PALB2: variants seen among roughly 807,000 people sequenced by gnomAD.
The protein encoded by PALB2 is partner and localizer of BRCA2.
A neutral mutation model predicts 107.4 loss-of-function variants in PALB2; 82 were observed. The observed-to-expected ratio is 0.76, with a 90% CI of 0.64 to 0.92. PALB2 has a LOEUF of 0.92. Ranked by LOEUF, PALB2 falls within the 40% of genes least tolerant of loss-of-function variation. The pLI is 0.00. For missense variants in PALB2, 1,374 were observed against 1,379.9 expected, an observed-to-expected ratio of 1.00 and a Z score of 0.07; for synonymous variants, 489 against 496.8, an observed-to-expected ratio of 0.98 and a Z score of 0.21.
intron 4 of PALB2, among the ~76,000 whole-genome samples, chr16:23,631,560 C>CAA (rs1966878199): frequency 6.6e-6 from 1 of 152,084 alleles, no homozygotes; most frequent in Non-Finnish European, 1.5e-5. Flanking sequence ...TAAAACCAAA[C>CAA]AAAACAAAAC....
In PALB2 at chr16:23,639,517, GA is replaced by G. The variant is rs1186283940; in HGVS notation, c.49-1389del. On this transcript the variant is annotated intron_variant, in intron 1 of 12. Transcript: ENST00000261584. ...TGGGCAACAGAGCGAGACTCTGCTT[GA>G]AAAAAAAAAAAAAAAAAAAGGCCGG... 9.6e-3 allele frequency among the ~76,000 whole-genome samples: 421 copies of G among 43,744 alleles called. 2 individuals carry two copies. The highest frequency in any genetic ancestry group is 0.012 in the Non-Finnish European group (269 of 22,586). 28.7% of individuals were successfully genotyped at this position (43,744 alleles called of 152,430 possible). A position where few individuals can be genotyped will look rare whatever the true frequency, so the allele number is the denominator to read the frequency against.
intron 9 of PALB2, 121 bp from the exon 10 acceptor site, chr16:23,621,599 A>C (rs1966775282): frequency 1.4e-6 from 1 of 692,590 alleles, no homozygotes; most frequent in Non-Finnish European, 2.6e-6. Context: ...AAAAAATCTA[A>C]CCCAGAAAAC....
chr16:23,605,878 C>G (rs1443066109), intron 12 of PALB2: 1 of 152,224 alleles, frequency 6.6e-6, no homozygotes, highest in Non-Finnish European at 1.5e-5. Context: ...GAGGACACAT[C>G]TATGAGCCAG....
At chr16:23,609,548 T>A (rs928996368) in intron 11 of PALB2, among the ~76,000 whole-genome samples, 1 of 152,154 alleles carries the variant, frequency 6.6e-6, no homozygotes, top group African/African-American at 2.4e-5. Context: ...GACAGAGTCT[T>A]GCACTGTCGC....
chr16:23,620,152 C>T (rs947762572), intron 10 of PALB2, among the ~76,000 whole-genome samples: 12 of 152,106 alleles, frequency 7.9e-5, no homozygotes, highest in South Asian at 2.1e-4. Context: ...CTCCAAATGC[C>T]GAAACTGAAA....
chr16:23,619,636 T>A (rs1253817844), intron 10 of PALB2, among the ~76,000 whole-genome samples: 2 of 152,164 alleles, frequency 1.3e-5, no homozygotes, highest in Admixed American at 1.3e-4. Context: ...AACTTTGTAT[T>A]CTGTTAGGTT....
Position 23,603,651 on chromosome 16 carries a change from C to T in PALB2, c.3369G>A (p.Val1123=), listed in dbSNP as rs753357848. The T allele has an allele frequency of 3.1e-6, 5 of 1,613,668 alleles. No individual in the cohort carries two copies. The South Asian group carries it at 4.4e-5, about 14-fold the overall frequency. The stretch of plus-strand genomic sequence containing the variant: ...AGATTGCTGCTGCACAGTGATCTTT[C>T]ACGTCACCTTCCAGGAACCTGATAG... ...GQAGRFLEGD[V]KDHCAAAILT... Residue 1123 remains valine, a synonymous_variant, in exon 13 of 13, where the codon GTG becomes GTA. Coordinates refer to ENST00000261584, the MANE Select transcript of PALB2 (RefSeq NM_024675.4).
chr16:23,621,986 C>T (rs1966781384), intron 9 of PALB2, among the ~76,000 whole-genome samples: 1 of 152,170 alleles, frequency 6.6e-6, no homozygotes, highest in Admixed American at 6.6e-5. Context: ...TGCTTCTTCC[C>T]ATCTCCACTA....
intron 4 of PALB2, among the ~76,000 whole-genome samples, chr16:23,633,674 T>C (rs1260375962): frequency 6.6e-6 from 1 of 152,198 alleles, no homozygotes; most frequent in Non-Finnish European, 1.5e-5. Context: ...CATTACATGA[T>C]GACTTCTAAA....
chr16:23,639,238 A>G (rs1398744866), intron 1 of PALB2, among the ~76,000 whole-genome samples: 1 of 152,152 alleles, frequency 6.6e-6, no homozygotes, highest in African/African-American at 2.4e-5. Context: ...TAAAAAAAAG[A>G]AAAGACCTAC....
rs2142447179 is a variant in PALB2 at position 23,636,271 on chromosome 16, G to A, written c.275C>T (p.Thr92Ile). 2 of 1,613,646 alleles carry A rather than the reference G, an allele frequency of 1.2e-6. No individual in the cohort carries two copies. The highest frequency in any genetic ancestry group is 2.2e-5 in the South Asian group (2 of 91,058). ...LHIKTHLDEE[T>I]GEKTSITLDV... ...AAGTGTGATAGATGTCTTTTCTCCA[G>A]TTTCTTCATCAAGATGGGTTTTGAT... is the stretch of plus-strand genomic sequence containing the variant. Residue 92 changes from threonine (T) to isoleucine (I), a missense_variant, in exon 4 of 13, where the codon ACT (threonine) becomes ATT (isoleucine). Physicochemically the swap from Thr to Ile is moderately conservative, Grantham distance 89. Coordinates refer to ENST00000261584, the MANE Select transcript of PALB2 (RefSeq NM_024675.4).
chr16:23,619,924 T>G lies in PALB2; in HGVS notation c.3113+1438A>C, dbSNP rs145241884. ...CCTCCTGAGTAGCTGGAATTACAGGTGTGCACCACCACGCCTGGCTAATTT... is the reference window on the plus strand; with the variant it reads ...CCTCCTGAGTAGCTGGAATTACAGGGGTGCACCACCACGCCTGGCTAATTT... On this transcript the variant is annotated intron_variant, in intron 10 of 12. Transcript: ENST00000261584. Among the ~76,000 whole-genome samples, 202 of 151,892 alleles carry G rather than the reference T, an allele frequency of 1.3e-3. 1 individual carries two copies. The highest frequency in any genetic ancestry group is 3.3e-3 in the African/African-American group (138 of 41,448).
chr16:23,603,311 C>CGTA lies in PALB2; in HGVS notation c.*147_*148insTAC. The CGTA allele has an allele frequency of 1.5e-6, 1 of 670,030 alleles. No individual in the cohort carries two copies. The highest frequency in any genetic ancestry group is 1.8e-5 in the South Asian group (1 of 56,510). The allele number at this position is 670,030 out of a possible 1,614,324, so 41.5% of individuals were successfully genotyped here. On this transcript the variant is annotated 3_prime_UTR_variant, in exon 13 of 13. Transcript: ENST00000261584. ...GTACATCCAAGATCAGTGGTGCTACCATCATTAGAATAAAAAATAAGTCTG... is the reference window on the plus strand; with the variant it reads ...GTACATCCAAGATCAGTGGTGCTACCGTAATCATTAGAATAAAAAATAAGTCTG...
rs1060502755 is a variant in PALB2 at position 23,630,412 on chromosome 16, A to G, written c.1742T>C (p.Leu581Ser). Reference protein sequence around the residue: ...DSLSWSNSAYLSLDDDAFTAP... With the variant: ...DSLSWSNSAYSSLDDDAFTAP... ...CGTGAAAGCATCATCATCCAAGGAT[A>G]AATAAGCACTATTACTCCAAGAAAG... The change falls in exon 5 of 13, where the codon TTA becomes TCA. Residue 581 changes from leucine to serine, a missense_variant. Physicochemically the swap from Leu to Ser is moderately radical, Grantham distance 145. Coordinates refer to ENST00000261584, the MANE Select transcript of PALB2 (RefSeq NM_024675.4). The G allele has an allele frequency of 1.3e-5, 21 of 1,613,990 alleles. No individual in the cohort carries two copies. The highest frequency in any genetic ancestry group is 1.8e-5 in the Non-Finnish European group (21 of 1,180,010).
intron 11 of PALB2, among the ~76,000 whole-genome samples, chr16:23,609,619 G>A (rs1052587524): frequency 3.9e-5 from 6 of 151,960 alleles, no homozygotes; most frequent in East Asian, 1.9e-4. Context: ...CTGGGTTCAC[G>A]CCATTCTCCT....
At position 23,607,979 on chromosome 16, in the gene PALB2, C is replaced by A. The variant is rs730881878; in HGVS notation, c.3235G>T (p.Ala1079Ser). The A allele has an allele frequency of 1.3e-5, 21 of 1,613,936 alleles. No individual in the cohort carries two copies. Among genetic ancestry groups the A allele is most frequent in the Non-Finnish European group, 1.7e-5 (20 of 1,180,002 alleles). Residue 1079 changes from alanine to serine, a missense_variant, in exon 12 of 13, where the codon GCC becomes TCC. By Grantham distance (99) the Ala-to-Ser change is moderately conservative. Coordinates refer to ENST00000261584, the MANE Select transcript of PALB2 (RefSeq NM_024675.4). ...LLFIVLSHPC[A>S]KESESLRSPV... The stretch of plus-strand genomic sequence containing the variant: ...CTTCGCAACGACTCACTCTCTTTGG[C>A]ACAGGGATGACTCAGGACAATAAAG...
chr16:23,623,897 T>C, intron 8 of PALB2, 112 bp downstream of exon 8: 2 of 746,612 alleles, frequency 2.7e-6, no homozygotes, highest in South Asian at 1.5e-5. Flanking sequence ...TCTCTCTCTT[T>C]AGATCTTTCA....
intron 3 of PALB2, among the ~76,000 whole-genome samples, chr16:23,636,978 G>A (rs1032789842): frequency 1.3e-5 from 2 of 151,942 alleles, no homozygotes; most frequent in South Asian, 2.1e-4. Context: ...CACTGGGCAC[G>A]GTGGCTCACA....
chr16:23,606,050 G>C (rs1966467207), intron 12 of PALB2: 1 of 152,122 alleles, frequency 6.6e-6, no homozygotes, highest in African/African-American at 2.4e-5. Flanking sequence ...CTACAGGATT[G>C]GTACCAAACA....
Sources: allele counts gnomAD v4.1 joint callset (sites outside exome capture counted in the v4.1 genomes callset), GRCh38; gene constraint gnomAD v4.1.1; transcripts MANE v1.5; gene names NCBI Gene and HGNC (gene_info 2026-07-23, HGNC 2026-07-21).